The following RCOR1 variants were observed in gnomAD, a reference collection of about 807,000 sequenced individuals.
RCOR1 encodes REST corepressor 1.
Under a neutral mutation model 64.0 loss-of-function variants are expected in RCOR1, and 12 were observed. That is an observed-to-expected ratio of 0.19 (90% CI 0.12 to 0.30). The LOEUF (loss-of-function observed/expected upper bound fraction) is 0.30, where lower values mean the gene tolerates loss of function less well. RCOR1 is among the 10% of genes least tolerant of loss of function. The probability of loss-of-function intolerance (pLI) is 1.00; values close to 1 mark genes in which losing one functional copy is unlikely to be tolerated. For synonymous variants in RCOR1, 279 were observed against 227.2 expected (o/e 1.23, Z -2.05); for missense variants, 502 against 621.2 (o/e 0.81, Z 2.04).
At chr14:102,598,278 T>C (rs1351580505) in intron 2 of RCOR1, among the ~76,000 whole-genome samples, 1 of 152,104 alleles carries the variant, frequency 6.6e-6, no homozygotes, top group Non-Finnish European at 1.5e-5. Flanking sequence ...CAGATTTTAC[T>C]TATTTGCGGT....
intron 2 of RCOR1, among the ~76,000 whole-genome samples, chr14:102,619,447 C>G (rs1290833060): frequency 6.8e-6 from 1 of 147,184 alleles, no homozygotes; most frequent in Non-Finnish European, 1.5e-5. Flanking sequence ...ATCTGTCTGT[C>G]TGTCTATCTA....
intron 2 of RCOR1, among the ~76,000 whole-genome samples, chr14:102,653,865 G>A (rs1413741005): frequency 1.3e-5 from 2 of 151,368 alleles, no homozygotes; most frequent in Non-Finnish European, 2.9e-5. Flanking sequence ...GCAGAACCTT[G>A]AGCCATTGAA....
intron 2 of RCOR1, among the ~76,000 whole-genome samples, chr14:102,615,079 C>A (rs1053371641): frequency 2.7e-4 from 41 of 152,014 alleles, no homozygotes; most frequent in African/African-American, 9.7e-4. Context: ...GATGTGCCCG[C>A]CTTGGCCTCC....
intron 2 of RCOR1, among the ~76,000 whole-genome samples, chr14:102,668,173 T>A (rs916180371): frequency 1.3e-5 from 2 of 152,172 alleles, no homozygotes; most frequent in African/African-American, 4.8e-5. Flanking sequence ...CTACATCACA[T>A]CCTCTCTTCT....
At chr14:102,647,625 A>C (rs1894503687) in intron 2 of RCOR1, among the ~76,000 whole-genome samples, 1 of 152,076 alleles carries the variant, frequency 6.6e-6, no homozygotes, top group South Asian at 2.1e-4. Context: ...GGCCCAATTT[A>C]GGATTCTATG....
Position 102,665,244 on chromosome 14 carries a change from A to ATCCACCCACCTCAGCC in RCOR1, c.362-16647_362-16632dup, listed in dbSNP as rs562427401. 9.2e-3 allele frequency among the ~76,000 whole-genome samples: 1,387 copies of ATCCACCCACCTCAGCC among 150,632 alleles called. 23 individuals carry two copies. Among genetic ancestry groups the ATCCACCCACCTCAGCC allele is most frequent in the African/African-American group, 0.032 (1,312 of 40,922 alleles). On this transcript the variant is annotated intron_variant, in intron 2 of 11. Coordinates refer to ENST00000262241, the MANE Select transcript of RCOR1 (RefSeq NM_015156.4). ...GGTCTCAAACTCCTGACCTCTGGTG[A>ATCCACCCACCTCAGCC]TCCACCCACCTCAGCCTCCCAAAGT... is the stretch of plus-strand genomic sequence containing the variant.
intron 2 of RCOR1, among the ~76,000 whole-genome samples, chr14:102,595,830 C>T (rs1190094167): frequency 1.3e-5 from 2 of 152,070 alleles, no homozygotes; most frequent in South Asian, 2.1e-4. Flanking sequence ...CCGCCCGTCT[C>T]GGCCTCTCAT....
chr14:102,641,232 C>T lies in RCOR1; in HGVS notation c.362-40663C>T, dbSNP rs549169674. Reference sequence around the variant, plus strand: ...ATTGCACCACTGCACTCCAGCCTTGCGGCAGAGTGAGACTCGGCCTTAAAA... The same window carrying T: ...ATTGCACCACTGCACTCCAGCCTTGTGGCAGAGTGAGACTCGGCCTTAAAA... On this transcript the variant is annotated intron_variant, in intron 2 of 11. Coordinates refer to ENST00000262241, the MANE Select transcript of RCOR1 (RefSeq NM_015156.4). 2.3e-4 allele frequency among the ~76,000 whole-genome samples: 34 copies of T among 150,580 alleles called. 1 individual carries two copies. The South Asian group carries it at 2.7e-3, about 12-fold the overall frequency.
At chr14:102,683,380 G>C (rs1595228776) in intron 3 of RCOR1, among the ~76,000 whole-genome samples, 1 of 152,164 alleles carries the variant, frequency 6.6e-6, no homozygotes, top group East Asian at 1.9e-4. Flanking sequence ...CCTTGTCCTG[G>C]AATTACTGTC....
intron 2 of RCOR1, among the ~76,000 whole-genome samples, chr14:102,669,522 T>C (rs189093148): frequency 4.3e-4 from 66 of 152,288 alleles, no homozygotes; most frequent in African/African-American, 1.4e-3. Context: ...GTCTTTAAAA[T>C]CTAGGCATTG....
intron 5 of RCOR1, among the ~76,000 whole-genome samples, chr14:102,708,101 G>T (rs1472131757): frequency 1.3e-5 from 2 of 152,264 alleles, no homozygotes; most frequent in Non-Finnish European, 2.9e-5. Context: ...GAGTAGCTGG[G>T]ACTATAGGCG....
chr14:102,627,056 C>T (rs1893995773), intron 2 of RCOR1, among the ~76,000 whole-genome samples: 1 of 152,158 alleles, frequency 6.6e-6, no homozygotes, highest in African/African-American at 2.4e-5. Flanking sequence ...AAATGTCTTA[C>T]TTTAATCCTC....
intron 2 of RCOR1, among the ~76,000 whole-genome samples, chr14:102,608,446 G>GT (rs971319819): frequency 1.2e-4 from 18 of 151,638 alleles, no homozygotes; most frequent in African/African-American, 4.4e-4. Context: ...CCTTGTTTTT[G>GT]TTTTTTGAGA....
chr14:102,593,066 A>AGCCGCCGCCGCCCCC lies in RCOR1; in HGVS notation c.181_195dup (p.Ala61_Pro65dup). 7.1e-7 allele frequency: 1 copy of AGCCGCCGCCGCCCCC among 1,401,976 alleles called. No individual in the cohort carries two copies. 86.8% of individuals were successfully genotyped at this position (1,401,976 alleles called of 1,614,324 possible). A position where few individuals can be genotyped will look rare whatever the true frequency, so the allele number is the denominator to read the frequency against. On this transcript the variant is annotated inframe_insertion, in exon 1 of 12. Coordinates refer to ENST00000262241, the MANE Select transcript of RCOR1 (RefSeq NM_015156.4). ...CCTCAGCCTCGGCCGCCGCCGCCTC[A>AGCCGCCGCCGCCCCC]GCCGCCGCCGCCCCCAATAATGGCC...
chr14:102,691,434 C>T (rs553907399), intron 3 of RCOR1, among the ~76,000 whole-genome samples: 4 of 152,114 alleles, frequency 2.6e-5, no homozygotes, highest in African/African-American at 7.2e-5. Flanking sequence ...GCACACGTGC[C>T]CCCGATTCTA....
At chr14:102,678,429 A>G (rs1895236453) in intron 2 of RCOR1, among the ~76,000 whole-genome samples, 1 of 152,120 alleles carries the variant, frequency 6.6e-6, no homozygotes, top group African/African-American at 2.4e-5. Flanking sequence ...CCTCCTGAGT[A>G]GCTGGGTCTG....
At chr14:102,616,110 T>C (rs1893753713) in intron 2 of RCOR1, among the ~76,000 whole-genome samples, 1 of 152,212 alleles carries the variant, frequency 6.6e-6, no homozygotes, top group Non-Finnish European at 1.5e-5. Context: ...CAAGAGTTCC[T>C]GCAGATACCT....
At chr14:102,713,791 A>G (rs1475989886) in intron 7 of RCOR1, among the ~76,000 whole-genome samples, 1 of 152,222 alleles carries the variant, frequency 6.6e-6, no homozygotes, top group Non-Finnish European at 1.5e-5. Flanking sequence ...AGAAAGTCAT[A>G]TTTTCAGCTT....
At chr14:102,695,609 G>T (rs1017828000) in intron 3 of RCOR1, 1 of 152,416 alleles carries the variant, frequency 6.6e-6, no homozygotes, top group African/African-American at 2.4e-5. Context: ...GCAGTGGTGC[G>T]ATCTCGGCTC....
Sources: allele counts gnomAD v4.1 joint callset (sites outside exome capture counted in the v4.1 genomes callset), GRCh38; gene constraint gnomAD v4.1.1; transcripts MANE v1.5; gene names NCBI Gene and HGNC (gene_info 2026-07-23, HGNC 2026-07-21).